Variants in PHF20 observed in about 807,000 individuals in gnomAD.
The protein encoded by PHF20 is glioma-expressed antigen 2.
A neutral mutation model predicts 113.5 loss-of-function variants in PHF20; 23 were observed. That is an observed-to-expected ratio of 0.20 (90% CI 0.15 to 0.29). PHF20 has a LOEUF of 0.29. Among genes scored for constraint, PHF20 ranks in the 10% least tolerant of loss-of-function variants. The probability of loss-of-function intolerance (pLI) is 1.00; values close to 1 mark genes in which losing one functional copy is unlikely to be tolerated. For missense variants in PHF20, 943 were observed against 1,219.6 expected (o/e 0.77, Z 3.38); for synonymous variants, 434 against 457.3 (o/e 0.95, Z 0.65).
chr20:35,896,601 A>G (rs1209730175), intron 9 of PHF20, among the ~76,000 whole-genome samples: 2 of 151,624 alleles, frequency 1.3e-5, no homozygotes, highest in African/African-American at 2.4e-5. Context: ...ACTTGAAGTC[A>G]GGAGTTCGAG....
intron 5 of PHF20, among the ~76,000 whole-genome samples, chr20:35,861,251 T>A (rs1160305831): frequency 2.6e-5 from 4 of 152,194 alleles, no homozygotes; most frequent in Non-Finnish European, 4.4e-5. Context: ...ACGTTTACTG[T>A]AGAAAAATAT....
chr20:35,901,650 G>C (rs1278373621), intron 10 of PHF20, among the ~76,000 whole-genome samples: 1 of 152,062 alleles, frequency 6.6e-6, no homozygotes, highest in South Asian at 2.1e-4. Context: ...TCTTGCCCTG[G>C]TTGTTGTGGT....
At chr20:35,935,512 A>G (rs6060697) in intron 15 of PHF20, among the ~76,000 whole-genome samples, 5 of 152,306 alleles carry the variant, frequency 3.3e-5, no homozygotes, top group African/African-American at 1.2e-4. Context: ...GATTGCAGGC[A>G]TGTACCACCG....
At chr20:35,898,386 G>C (rs2055030904) in intron 9 of PHF20, among the ~76,000 whole-genome samples, 1 of 152,118 alleles carries the variant, frequency 6.6e-6, no homozygotes, top group African/African-American at 2.4e-5. Flanking sequence ...ATGTAAGTCT[G>C]ATCCAACTCA....
chr20:35,924,061 G>T (rs1234687276), intron 13 of PHF20, among the ~76,000 whole-genome samples: 1 of 151,934 alleles, frequency 6.6e-6, no homozygotes, highest in African/African-American at 2.4e-5. Flanking sequence ...CTGCCTAAAA[G>T]TTACCATTAT....
intron 2 of PHF20, among the ~76,000 whole-genome samples, chr20:35,811,087 G>GC (rs1439154973): frequency 6.6e-6 from 1 of 151,612 alleles, no homozygotes; most frequent in African/African-American, 2.4e-5. Context: ...TTGCTCTGTC[G>GC]CCAGGCTGGA....
intron 2 of PHF20, among the ~76,000 whole-genome samples, chr20:35,808,729 C>T (rs1490170507): frequency 5.9e-5 from 9 of 151,664 alleles, no homozygotes; most frequent in African/African-American, 1.9e-4. Context: ...CCCGCCACCA[C>T]GCCTGGCTAA....
chr20:35,909,297 TG>T (rs1306185001), intron 10 of PHF20, among the ~76,000 whole-genome samples: 4 of 151,708 alleles, frequency 2.6e-5, no homozygotes, highest in African/African-American at 7.2e-5. Context: ...TTGCACCAAC[TG>T]AATAGAATGT....
rs904694333 is a variant in PHF20, at chr20:35,948,903, G to A, written c.*1276G>A. The A allele has an allele frequency of 6.6e-6, 1 of 152,612 alleles. No homozygotes were observed. The highest frequency in any genetic ancestry group is 1.5e-5 in the Non-Finnish European group (1 of 68,036). The allele number at this position is 152,612 out of a possible 1,614,324, so 9.5% of individuals were successfully genotyped here. On this transcript the variant is annotated 3_prime_UTR_variant, in exon 18 of 18. Coordinates refer to ENST00000374012, the MANE Select transcript of PHF20 (RefSeq NM_016436.5). ...TTATAAGTTAATTATGGGTTTATGA[G>A]TCTGTAATGTTATATGCTGCAAACA... is the stretch of plus-strand genomic sequence containing the variant.
chr20:35,858,531 T>G (rs1600836268), intron 5 of PHF20, 150 bp downstream of exon 5: 1 of 544,540 alleles, frequency 1.8e-6, no homozygotes, highest in East Asian at 3.1e-5. Context: ...ACACAAGTTT[T>G]CAGAAGTTGT....
chr20:35,825,925 T>G (rs924045813), intron 2 of PHF20, among the ~76,000 whole-genome samples: 4 of 152,230 alleles, frequency 2.6e-5, no homozygotes, highest in African/African-American at 9.6e-5. Context: ...TATACACTTC[T>G]ATAGCCACCA....
chr20:35,853,443 A>C (rs1040510704), intron 4 of PHF20: 1 of 152,116 alleles, frequency 6.6e-6, no homozygotes, highest in Non-Finnish European at 1.5e-5. Context: ...AGTGAATGAG[A>C]TAGAAAAGAA....
chr20:35,926,958 C>T (rs552748935), intron 13 of PHF20, among the ~76,000 whole-genome samples: 28 of 152,262 alleles, frequency 1.8e-4, no homozygotes, highest in South Asian at 4.1e-4. Context: ...CTCGGGAGTT[C>T]GCCTTTCCTT....
At position 35,938,991 on chromosome 20, in the gene PHF20, C is replaced by CGATGCGGTCAACCCCCTCCAT. The variant is rs2055924722; in HGVS notation, c.2598_2618dup (p.Asp866_His872dup). ...TGGAGACGAGGGGCTCTGCCCTCGA[C>CGATGCGGTCAACCCCCTCCAT]GATGCGGTCAACCCCCTCCATGAGA... On this transcript the variant is annotated inframe_insertion, in exon 16 of 18. Transcript: ENST00000374012. The CGATGCGGTCAACCCCCTCCAT allele has an allele frequency of 6.2e-7, 1 of 1,614,048 alleles. No individual in the cohort carries two copies. Among genetic ancestry groups the CGATGCGGTCAACCCCCTCCAT allele is most frequent in the African/African-American group, 1.3e-5 (1 of 74,934 alleles).
At chr20:35,876,583 T>C (rs567675678) in intron 9 of PHF20, among the ~76,000 whole-genome samples, 1 of 151,888 alleles carries the variant, frequency 6.6e-6, no homozygotes, top group East Asian at 1.9e-4. Context: ...AATAAAAAAA[T>C]TAAAAAGCCA....
chr20:35,906,767 A>G (rs2055207912), intron 10 of PHF20, among the ~76,000 whole-genome samples: 2 of 152,194 alleles, frequency 1.3e-5, no homozygotes, highest in African/African-American at 4.8e-5. Flanking sequence ...TCTCAAGGGA[A>G]CATGGAACAT....
At chr20:35,933,254 A>G (rs538579034) in intron 15 of PHF20, among the ~76,000 whole-genome samples, 29 of 150,038 alleles carry the variant, frequency 1.9e-4, no homozygotes, top group Non-Finnish European at 4.1e-4. Flanking sequence ...TTTTTCTGAG[A>G]CAGAGCCTCG....
At chr20:35,886,022 T>C (rs2054724594) in intron 9 of PHF20, among the ~76,000 whole-genome samples, 11 of 152,160 alleles carry the variant, frequency 7.2e-5, no homozygotes, top group Admixed American at 7.2e-4. Context: ...CCTTTCCTTG[T>C]TTGTTTATCT....
chr20:35,840,782 A>G (rs1400700326), intron 2 of PHF20, among the ~76,000 whole-genome samples: 2 of 152,112 alleles, frequency 1.3e-5, no homozygotes, highest in African/African-American at 4.8e-5. Flanking sequence ...GAAGCTTGAT[A>G]GGCCTTGTAC....
Sources: gnomAD v4.1 joint callset for allele counts (sites outside exome capture counted in the v4.1 genomes callset) on GRCh38, gnomAD v4.1.1 for gene constraint, MANE v1.5 for transcripts, NCBI Gene and HGNC (gene_info 2026-07-23, HGNC 2026-07-21) for gene names.